Variants in STARD8 observed in about 807,000 individuals in gnomAD.
STARD8 encodes the protein stAR-related lipid transfer protein 8.
Under a neutral mutation model 69.4 loss-of-function variants are expected in STARD8, and 25 were observed. The ratio of observed to expected loss-of-function variants is 0.36; its 90% CI spans 0.26 to 0.50. The LOEUF is 0.50. Ranked by LOEUF, STARD8 falls within the 20% of genes least tolerant of loss-of-function variation. The probability of loss-of-function intolerance (pLI) is 0.96; values close to 1 mark genes in which losing one functional copy is unlikely to be tolerated. For synonymous variants in STARD8, 389 were observed against 374.6 expected (o/e 1.04, Z -0.45); for missense variants, 921 against 932.5 (o/e 0.99, Z 0.16).
At chrX:68,677,232 G>A (rs937127671) in intron 2 of STARD8, among the ~76,000 whole-genome samples, 12 of 111,593 alleles carry the variant, frequency 1.1e-4, no homozygotes, top group African/African-American at 3.6e-4. Flanking sequence ...CTGCTTGTTG[G>A]TCAGATCAGC....
intron 2 of STARD8, among the ~76,000 whole-genome samples, chrX:68,690,939 A>AT (rs758199739): frequency 2.6e-4 from 29 of 112,174 alleles, no homozygotes; most frequent in Non-Finnish European, 4.5e-4. Context: ...TGTGATGATC[A>AT]TCTACACTTT....
chrX:68,704,796 C>T (rs750359219), intron 2 of STARD8, among the ~76,000 whole-genome samples: 12 of 111,459 alleles, frequency 1.1e-4, no homozygotes, highest in Admixed American at 3.8e-4. Context: ...ACAGCCACTA[C>T]GCATCACACA....
At position 68,660,147 on chromosome X, in the gene STARD8, T is replaced by C. The variant is rs1318498115; in HGVS notation, c.46-5352T>C. 6.3e-5 allele frequency among the ~76,000 whole-genome samples: 7 copies of C among 111,007 alleles called. 1 individual carries two copies. The highest frequency in any genetic ancestry group is 2.3e-4 in the African/African-American group (7 of 30,499). ...GGAGACAGAGGGGAGGTAGGTGTTC[T>C]GGGGGTTCCTCAGGAGGCTGTCCCA... is the stretch of plus-strand genomic sequence containing the variant. On this transcript the variant is annotated intron_variant, in intron 1 of 14. Coordinates refer to ENST00000374599, the MANE Select transcript of STARD8 (RefSeq NM_001142503.3).
intron 1 of STARD8, among the ~76,000 whole-genome samples, chrX:68,652,972 C>A (rs1602534343): frequency 8.8e-5 from 3 of 33,997 alleles, no homozygotes; most frequent in East Asian, 1.1e-3. Context: ...ACACCACACA[C>A]CACACACCAC....
At chrX:68,684,756 G>A (rs2079821354) in intron 2 of STARD8, among the ~76,000 whole-genome samples, 1 of 112,595 alleles carries the variant, frequency 8.9e-6, no homozygotes, top group Non-Finnish European at 1.9e-5. Context: ...ATTGATTTAT[G>A]GTCATTTGAA....
At chrX:68,653,033 CCA>C (rs1398941601) in intron 1 of STARD8, among the ~76,000 whole-genome samples, 18 of 35,818 alleles carry the variant, frequency 5.0e-4, no homozygotes, top group African/African-American at 1.2e-3. Context: ...ACCCCACACA[CCA>C]CACACACACA....
Position 68,698,039 on chromosome X carries a change from C to T in STARD8, c.80-14875C>T, listed in dbSNP as rs757414448. 3.6e-5 allele frequency among the ~76,000 whole-genome samples: 4 copies of T among 112,345 alleles called. No individual in the cohort carries two copies. The South Asian group carries it at 1.5e-3, about 41-fold the overall frequency. ...GATGGTCATTAACTAACTCCCTGTC[C>T]ACCTCAGGCCTTAAAGAGACCATAT... On this transcript the variant is annotated intron_variant, in intron 2 of 14. Transcript: ENST00000374599.
At chrX:68,681,757 T>C (rs1258774697) in intron 2 of STARD8, among the ~76,000 whole-genome samples, 1 of 111,753 alleles carries the variant, frequency 8.9e-6, no homozygotes, top group Non-Finnish European at 1.9e-5. Flanking sequence ...CCCAATGGCT[T>C]TGTGGTCAGG....
intron 2 of STARD8, among the ~76,000 whole-genome samples, chrX:68,690,145 G>A (rs1049763697): frequency 1.8e-5 from 2 of 110,208 alleles, no homozygotes; most frequent in Admixed American, 9.7e-5. Flanking sequence ...TGAGGCATGC[G>A]GGAATGTGCG....
chrX:68,654,376 AC>A (rs2079598656), intron 1 of STARD8, among the ~76,000 whole-genome samples: 1 of 111,707 alleles, frequency 9.0e-6, no homozygotes, highest in Admixed American at 9.5e-5. Context: ...GTATGTGTTA[AC>A]AACCCTGCCG....
chrX:68,721,300 C>T (rs149153339), intron 9 of STARD8, among the ~76,000 whole-genome samples, 178 bp downstream of exon 9: 274 of 111,931 alleles, frequency 2.4e-3, no homozygotes, highest in African/African-American at 8.4e-3. Flanking sequence ...CTTCCCCAAA[C>T]CCATTATATG....
Position 68,698,145 on chromosome X carries a change from C to T in STARD8, c.80-14769C>T, listed in dbSNP as rs891905390. On this transcript the variant is annotated intron_variant, in intron 2 of 14. Coordinates refer to ENST00000374599, the MANE Select transcript of STARD8 (RefSeq NM_001142503.3). ...TTCTGGGGCCAGTGAAAAGTCTGCC[C>T]CTCCATCCTTTACTTGGCAAACGGA... Among the ~76,000 whole-genome samples, 6 of 111,794 alleles carry T rather than the reference C, an allele frequency of 5.4e-5. No homozygotes were observed. The East Asian group carries it at 8.4e-4, about 16-fold the overall frequency.
rs769700560 is a variant in STARD8 at position 68,673,548 on chromosome X, A to G, written c.79+8016A>G. ...TGCAACAGGTCTTTTACCAAAAACA[A>G]CAACAACAACAACAAAACAACCTTC... is the stretch of plus-strand genomic sequence containing the variant. On this transcript the variant is annotated intron_variant, in intron 2 of 14. Coordinates refer to ENST00000374599, the MANE Select transcript of STARD8 (RefSeq NM_001142503.3). 2.9e-4 allele frequency among the ~76,000 whole-genome samples: 32 copies of G among 112,186 alleles called. No individual in the cohort carries two copies. The South Asian group carries it at 3.4e-3, about 12-fold the overall frequency.
At chrX:68,669,418 A>G (rs1282536247) in intron 2 of STARD8, among the ~76,000 whole-genome samples, 4 of 111,634 alleles carry the variant, frequency 3.6e-5, no homozygotes, top group African/African-American at 9.8e-5. Flanking sequence ...CTGAAATTCA[A>G]TGACTCCTTG....
At chrX:68,653,237 C>CA (rs2079577919) in intron 1 of STARD8, among the ~76,000 whole-genome samples, 1 of 46,854 alleles carries the variant, frequency 2.1e-5, no homozygotes, top group Non-Finnish European at 4.0e-5. Flanking sequence ...CCACACCACA[C>CA]ACACACACCA....
At chrX:68,653,283 ACACACCACACACCACACACACAC>A (rs1296217255) in intron 1 of STARD8, among the ~76,000 whole-genome samples, 70 of 48,073 alleles carry the variant, frequency 1.5e-3, no homozygotes, top group African/African-American at 5.8e-3. Flanking sequence ...CACACCACAC[ACACACCACACACCACACACACAC>A]CACACCACAC....
In STARD8 at chrX:68,649,425, G is replaced by A. The variant is rs967631355; in HGVS notation, c.45+1498G>A. On this transcript the variant is annotated intron_variant, in intron 1 of 14. Coordinates refer to ENST00000374599, the MANE Select transcript of STARD8 (RefSeq NM_001142503.3). ...CCAAAGGGTTTGGAATTAATCTGTG[G>A]ATTCATGGTCCTCATCTAGTAGGGG... 2.7e-5 allele frequency among the ~76,000 whole-genome samples: 3 copies of A among 110,074 alleles called. No homozygotes were observed. In the Admixed American group the frequency reaches 2.9e-4, roughly 11 times the overall value.
At chrX:68,672,844 C>T (rs2079738271) in intron 2 of STARD8, among the ~76,000 whole-genome samples, 1 of 111,253 alleles carries the variant, frequency 9.0e-6, no homozygotes, top group South Asian at 3.8e-4. Flanking sequence ...GTTTGGTTTG[C>T]TTTTTGGGAA....
chrX:68,660,613 G>A (rs2079638697), intron 1 of STARD8, among the ~76,000 whole-genome samples: 1 of 112,382 alleles, frequency 8.9e-6, no homozygotes. Context: ...TCTGAACTGT[G>A]AGCTGCTCTA....
Sources: gnomAD v4.1 joint callset for allele counts (sites outside exome capture counted in the v4.1 genomes callset) on GRCh38, gnomAD v4.1.1 for gene constraint, MANE v1.5 for transcripts, NCBI Gene and HGNC (gene_info 2026-07-23, HGNC 2026-07-21) for gene names.